Variants in PARP11 observed in about 807,000 individuals in gnomAD.
PARP11 encodes poly(ADP-ribose) polymerase family member 11, also known as protein mono-ADP-ribosyltransferase PARP11.
In PARP11, 31 loss-of-function variants were observed where a neutral mutation model predicts 42.9. The ratio of observed to expected loss-of-function variants is 0.72; its 90% CI spans 0.54 to 0.98. The LOEUF (loss-of-function observed/expected upper bound fraction) is 0.98, where lower values mean the gene tolerates loss of function less well. Among genes scored for constraint, PARP11 ranks in the 50% least tolerant of loss-of-function variants. The pLI, the probability that PARP11 is intolerant of heterozygous loss-of-function variation, is 0.00. For missense variants in PARP11, 365 were observed against 413.1 expected (o/e 0.88, Z 1.01); for synonymous variants, 137 against 127.3 (o/e 1.08, Z -0.51).
At chr12:3,839,951 C>T (rs1947852406) in intron 1 of PARP11, 1 of 1,256,972 alleles carries the variant, frequency 8.0e-7, no homozygotes, top group Non-Finnish European at 1.2e-6. Flanking sequence ...GCTGTTGCTG[C>T]TGCTGATGTG....
chr12:3,839,461 G>A (rs1354846297), intron 1 of PARP11: 5 of 1,611,830 alleles, frequency 3.1e-6, no homozygotes, highest in Non-Finnish European at 3.4e-6. Context: ...GGCGGAGCAG[G>A]TATTGCACTC....
Position 3,840,917 on chromosome 12 carries a change from A to G in PARP11, c.19-10899T>C. 6.2e-7 allele frequency: 1 copy of G among 1,603,516 alleles called. No individual in the cohort carries two copies. The highest frequency in any genetic ancestry group is 8.5e-7 in the Non-Finnish European group (1 of 1,170,358). On this transcript the variant is annotated intron_variant, in intron 1 of 7. Transcript: ENST00000228820. The surrounding 1 kb of genome is among the most constrained non-coding windows in gnomAD (Gnocchi z 4.4). ...CCCCTTCTAGTTTCTCCAGAGGTACATCTAACTCCTGCAGTGCCTTCTTTA... is the reference window on the plus strand; with the variant it reads ...CCCCTTCTAGTTTCTCCAGAGGTACGTCTAACTCCTGCAGTGCCTTCTTTA...
rs2138151049 is a variant in PARP11, at chr12:3,873,363, C to T, written c.-134G>A. Reference sequence around the variant, plus strand: ...ATGCAACCTTTACGAAGGCCTTCCTCCTCCCCCTCCCTGTCACAAGCCAGC... The same window carrying T: ...ATGCAACCTTTACGAAGGCCTTCCTTCTCCCCCTCCCTGTCACAAGCCAGC... On this transcript the variant is annotated 5_prime_UTR_variant, in exon 1 of 8. Coordinates refer to ENST00000228820, the MANE Select transcript of PARP11 (RefSeq NM_020367.6). The T allele has an allele frequency of 1.3e-6, 1 of 769,278 alleles. No homozygotes were observed. Among genetic ancestry groups the T allele is most frequent in the Middle Eastern group, 2.3e-4 (1 of 4,302 alleles). The allele number at this position is 769,278 out of a possible 1,614,324, so 47.7% of individuals were successfully genotyped here.
intron 1 of PARP11, among the ~76,000 whole-genome samples, chr12:3,866,693 G>C (rs1007390953): frequency 2.6e-5 from 4 of 152,088 alleles, no homozygotes; most frequent in Admixed American, 1.3e-4. Context: ...CATTTGCTTT[G>C]TTAATAAGGA....
intron 1 of PARP11, chr12:3,841,003 G>A (rs1947876459): frequency 6.3e-7 from 1 of 1,598,618 alleles, no homozygotes; most frequent in South Asian, 1.1e-5. Flanking sequence ...AGGTGTCCCT[G>A]CTCCAATTCC....
chr12:3,859,997 T>C (rs1948268445), intron 1 of PARP11, among the ~76,000 whole-genome samples: 1 of 152,244 alleles, frequency 6.6e-6, no homozygotes, highest in African/African-American at 2.4e-5. Context: ...GCCTGGGTCC[T>C]CCTGACTGCT....
At chr12:3,842,943 C>T (rs915745509) in intron 1 of PARP11, among the ~76,000 whole-genome samples, 6 of 152,162 alleles carry the variant, frequency 3.9e-5, no homozygotes, top group African/African-American at 1.2e-4. Context: ...CCAAACATAA[C>T]GTTGCACCAA....
intron 1 of PARP11, chr12:3,863,961 T>C (rs1236123864): frequency 6.6e-6 from 1 of 152,098 alleles, no homozygotes; most frequent in East Asian, 1.9e-4. Context: ...AAATACACTA[T>C]TAAGACAAAA....
intron 1 of PARP11, among the ~76,000 whole-genome samples, chr12:3,856,108 T>C (rs535716834): frequency 4.2e-4 from 64 of 152,314 alleles, no homozygotes; most frequent in Non-Finnish European, 7.2e-4. Flanking sequence ...TTACACCTTA[T>C]ATAAAAATTA....
At chr12:3,838,644 T>C (rs1947813200) in intron 1 of PARP11, among the ~76,000 whole-genome samples, 1 of 151,988 alleles carries the variant, frequency 6.6e-6, no homozygotes, top group Admixed American at 6.5e-5. Context: ...AAAAGCAATA[T>C]AAAAGATCAA....
At chr12:3,828,609 G>A (rs1360545048) in intron 3 of PARP11, among the ~76,000 whole-genome samples, 1 of 151,768 alleles carries the variant, frequency 6.6e-6, no homozygotes, top group African/African-American at 2.4e-5. Flanking sequence ...AAGACTGATG[G>A]GATGAATAAA....
chr12:3,827,462 T>A (rs1161280805), intron 3 of PARP11, among the ~76,000 whole-genome samples: 1 of 152,202 alleles, frequency 6.6e-6, no homozygotes, highest in Non-Finnish European at 1.5e-5. Context: ...AGGTCTGGTG[T>A]CTGTGCATAT....
intron 1 of PARP11, among the ~76,000 whole-genome samples, chr12:3,868,511 T>C (rs1300730776): frequency 1.3e-5 from 2 of 152,218 alleles, no homozygotes; most frequent in African/African-American, 4.8e-5. Flanking sequence ...GCTCCAGACT[T>C]ACCTCCCTAA....
chr12:3,832,731 A>G (rs117103552), intron 1 of PARP11, among the ~76,000 whole-genome samples: 3,030 of 152,344 alleles, frequency 0.02, 30 homozygotes, highest in Middle Eastern at 0.048. Context: ...ATTTATAGGT[A>G]ATAAAAAGAA....
At chr12:3,819,852 C>T (rs1291588242) in intron 6 of PARP11, among the ~76,000 whole-genome samples, 2 of 152,196 alleles carry the variant, frequency 1.3e-5, no homozygotes, top group Admixed American at 1.3e-4. Context: ...CCTCTTGATA[C>T]CATTCTAGCC....
chr12:3,837,435 GC>G (rs1356796633), intron 1 of PARP11, among the ~76,000 whole-genome samples: 1 of 152,036 alleles, frequency 6.6e-6, no homozygotes, highest in Non-Finnish European at 1.5e-5. Context: ...TAACCATAAT[GC>G]AAAAACCTAT....
At chr12:3,866,219 A>C (rs554940561) in intron 1 of PARP11, among the ~76,000 whole-genome samples, 4 of 152,212 alleles carry the variant, frequency 2.6e-5, no homozygotes, top group African/African-American at 9.6e-5. Flanking sequence ...AACATTTCAC[A>C]GTTTATCCTC....
chr12:3,841,216 C>T (rs1947882683), intron 1 of PARP11: 2 of 1,502,198 alleles, frequency 1.3e-6, no homozygotes, highest in Admixed American at 3.3e-5. Flanking sequence ...CATTGTACCA[C>T]CTTCTTCACT....
intron 6 of PARP11, among the ~76,000 whole-genome samples, chr12:3,820,554 G>A (rs1039629135): frequency 6.6e-6 from 1 of 152,128 alleles, no homozygotes; most frequent in African/African-American, 2.4e-5. Context: ...GGAGTCACTG[G>A]TACATTTTTA....
Sources: gnomAD v4.1 joint callset for allele counts (sites outside exome capture counted in the v4.1 genomes callset) on GRCh38, gnomAD v4.1.1 for gene constraint, Gnocchi (gnomAD v3.1) non-coding constraint, MANE v1.5 for transcripts, NCBI Gene and HGNC (gene_info 2026-07-23, HGNC 2026-07-21) for gene names.